The following DDX27 variants were observed in gnomAD, a reference collection of about 807,000 sequenced individuals.
DDX27 encodes the protein DEAD-box helicase 27.
In DDX27, 42 loss-of-function variants were observed where a neutral mutation model predicts 99.3. The ratio of observed to expected loss-of-function variants is 0.42; its 90% CI spans 0.33 to 0.55. The LOEUF is 0.55. Ranked by LOEUF, DDX27 falls within the 20% of genes least tolerant of loss-of-function variation. The pLI, the probability that DDX27 is intolerant of heterozygous loss-of-function variation, is 0.07. For synonymous variants in DDX27, 329 were observed against 353.8 expected (o/e 0.93, Z 0.79); for missense variants, 798 against 976.8 (o/e 0.82, Z 2.44).
At position 49,226,583 on chromosome 20, in the gene DDX27, G is replaced by C. The variant is rs762002743; in HGVS notation, c.706+48G>C. On this transcript the variant is annotated intron_variant, in intron 7 of 20. Transcript: ENST00000618172. ...GTGGGCAGAAGGGTGTTACGGCCAG[G>C]GCTGGGCTCTAGGTTGACTTACCAA... 61 of 1,429,440 alleles carry C rather than the reference G, an allele frequency of 4.3e-5. No individual in the cohort carries two copies. The East Asian group carries it at 6.0e-4, about 14-fold the overall frequency. The allele number at this position is 1,429,440 out of a possible 1,614,324, so 88.5% of individuals were successfully genotyped here.
chr20:49,221,392 C>T, intron 1 of DDX27, 60 bp from the exon 2 acceptor site: 1 of 1,605,046 alleles, frequency 6.2e-7, no homozygotes, highest in South Asian at 1.1e-5. Flanking sequence ...CTGGCCCCTT[C>T]TTGCTTTCTA....
chr20:49,228,924 G>A (rs1252798060), intron 8 of DDX27, 36 bp downstream of exon 8: 16 of 1,541,170 alleles, frequency 1.0e-5, no homozygotes, highest in Non-Finnish European at 1.4e-5. Flanking sequence ...GCCCCTGAGA[G>A]ACTGTGGTGG....
chr20:49,224,847 A>C, intron 4 of DDX27, 98 bp from the exon 5 acceptor site: 1 of 1,327,884 alleles, frequency 7.5e-7, no homozygotes, highest in South Asian at 1.3e-5. Context: ...CACCCCTCAG[A>C]GGCTGAAGTG....
In DDX27 at chr20:49,225,139, A is replaced by T; in HGVS notation, c.540A>T (p.Ala180=). 1 of 1,613,920 alleles carries T rather than the reference A, an allele frequency of 6.2e-7. No individual in the cohort carries two copies. The highest frequency in any genetic ancestry group is 8.5e-7 in the Non-Finnish European group (1 of 1,179,926). Residue 180 remains alanine, a synonymous_variant, in exon 6 of 21, where the codon GCA becomes GCT. Transcript: ENST00000618172. Reference sequence around the variant, plus strand: ...AAGCAGGAGGATTTTTTGAAGATGCATCTCAGTACGATGAAAACCTCTCGT... The same window carrying T: ...AAGCAGGAGGATTTTTTGAAGATGCTTCTCAGTACGATGAAAACCTCTCGT... ...GQEAGGFFED[A]SQYDENLSFQ... is the part of the protein sequence containing the mutation.
Position 49,233,638 on chromosome 20 carries a change from C to T in DDX27, c.1202C>T (p.Ala401Val). The T allele has an allele frequency of 6.2e-7, 1 of 1,614,098 alleles. No individual in the cohort carries two copies. Among genetic ancestry groups the T allele is most frequent in the African/African-American group, 1.3e-5 (1 of 75,070 alleles). ...RIFVNSNTDV[A>V]PFLRQEFIRI... is the part of the protein sequence containing the mutation. The stretch of plus-strand genomic sequence containing the variant: ...TTTGTGAACAGCAACACAGATGTGG[C>T]TCCCTTCCTGCGGCAGGAGTTCATC... The change falls in exon 11 of 21, where the codon GCT (alanine) becomes GTT (valine). Residue 401 changes from alanine (A) to valine (V), a missense_variant. Around this residue, in one of 2 missense-constraint regions of DDX27, gnomAD observed 553 missense variants for 727.9 expected, o/e 0.76. Transcript: ENST00000618172.
At chr20:49,241,465 C>T (rs763691333) in intron 16 of DDX27, among the ~76,000 whole-genome samples, 1 of 151,392 alleles carries the variant, frequency 6.6e-6, no homozygotes, top group African/African-American at 2.4e-5. Flanking sequence ...GAAGTGCTTG[C>T]GGCTTTTCTT....
intron 11 of DDX27, 116 bp from the exon 12 acceptor site, chr20:49,234,819 A>ACAGTGGAACTGTCTATC: frequency 7.9e-7 from 1 of 1,262,940 alleles, no homozygotes; most frequent in Non-Finnish European, 1.1e-6. Flanking sequence ...CAGGACAGGG[A>ACAGTGGAACTGTCTATC]CAGTGCCTGT....
At chr20:49,221,420 C>A (rs756918204) in intron 1 of DDX27, 32 bp from the exon 2 acceptor site, 4 of 1,611,774 alleles carry the variant, frequency 2.5e-6, no homozygotes, top group Non-Finnish European at 3.4e-6. Flanking sequence ...TTATCTCAGC[C>A]CCAAAGTCAC....
In DDX27 at chr20:49,243,910, T is replaced by G; in HGVS notation, c.*76T>G. The G allele has an allele frequency of 6.5e-7, 1 of 1,544,818 alleles. No homozygotes were observed. The highest frequency in any genetic ancestry group is 1.9e-5 in the Admixed American group (1 of 53,028). On this transcript the variant is annotated 3_prime_UTR_variant, in exon 21 of 21. Coordinates refer to ENST00000618172, the MANE Select transcript of DDX27 (RefSeq NM_017895.8). ...GTGGGAAGTCATCCTGGCTGGTCTG[T>G]CTTTTCTCCATTTGTTTAAAAAAAA...
Position 49,236,051 on chromosome 20 carries a change from C to A in DDX27, c.1428-99C>A. 1 of 1,192,444 alleles carries A rather than the reference C, an allele frequency of 8.4e-7. No homozygotes were observed. Among genetic ancestry groups the A allele is most frequent in the Non-Finnish European group, 1.2e-6 (1 of 846,060 alleles). The allele number at this position is 1,192,444 out of a possible 1,614,324, so 73.9% of individuals were successfully genotyped here. On this transcript the variant is annotated intron_variant, in intron 12 of 20. Coordinates refer to ENST00000618172, the MANE Select transcript of DDX27 (RefSeq NM_017895.8). The surrounding 1 kb of genome is among the most constrained non-coding windows in gnomAD (Gnocchi z 4.1). The stretch of plus-strand genomic sequence containing the variant: ...AGCCACCGTGCCCAGCCTCTATCCC[C>A]ATTTTAATGCCCTGTTCTGTCCTCT...
At position 49,228,391 on chromosome 20, in the gene DDX27, C is replaced by A. The variant is rs192944500; in HGVS notation, c.707-324C>A. Among the ~76,000 whole-genome samples the A allele has an allele frequency of 2.7e-5, 4 of 150,870 alleles. No individual in the cohort carries two copies. In the East Asian group the frequency reaches 7.8e-4, roughly 30 times the overall value. ...CCTCAGGTGATTCGCCTGCCTTGGCCTCACAAAGTGCTGGGATTACAGGCT... is the reference window on the plus strand; with the variant it reads ...CCTCAGGTGATTCGCCTGCCTTGGCATCACAAAGTGCTGGGATTACAGGCT... On this transcript the variant is annotated intron_variant, in intron 7 of 20. Transcript: ENST00000618172.
At position 49,236,007 on chromosome 20, in the gene DDX27, T is replaced by G. The variant is rs1449654951; in HGVS notation, c.1428-143T>G. On this transcript the variant is annotated intron_variant, in intron 12 of 20. Transcript: ENST00000618172. The surrounding 1 kb of genome is among the most constrained non-coding windows in gnomAD (Gnocchi z 4.1). ...ATCTGCCCACCTCGGCCTCCCAAAG[T>G]GCTGGGATTACAGGCGTGAGCCACC... 1 of 645,746 alleles carries G rather than the reference T, an allele frequency of 1.5e-6. No individual in the cohort carries two copies. The highest frequency in any genetic ancestry group is 1.8e-5 in the African/African-American group (1 of 54,270). 40.0% of individuals were successfully genotyped at this position (645,746 alleles called of 1,614,324 possible). A position where few individuals can be genotyped will look rare whatever the true frequency, so the allele number is the denominator to read the frequency against.
chr20:49,243,618 T>A lies in DDX27; in HGVS notation c.2205-11T>A, dbSNP rs1377887614. On this transcript the variant is annotated splice_polypyrimidine_tract_variant and intron_variant, in intron 19 of 20. Transcript: ENST00000618172. ...AGTTTGCTCATTTCAGCATGTCATCTTCTCTCACAGCCCTTCCTTTGAAGA... is the reference window on the plus strand; with the variant it reads ...AGTTTGCTCATTTCAGCATGTCATCATCTCTCACAGCCCTTCCTTTGAAGA... The A allele has an allele frequency of 6.2e-7, 1 of 1,614,010 alleles. No homozygotes were observed.
intron 12 of DDX27, 93 bp downstream of exon 12, chr20:49,235,181 A>T: frequency 7.2e-7 from 1 of 1,395,466 alleles, no homozygotes; most frequent in Non-Finnish European, 9.6e-7. Flanking sequence ...CTATTAGAAC[A>T]TTAGCAGGGG....
intron 9 of DDX27, among the ~76,000 whole-genome samples, chr20:49,232,349 G>C (rs1255088503): frequency 1.3e-5 from 2 of 152,162 alleles, no homozygotes; most frequent in Non-Finnish European, 2.9e-5. Flanking sequence ...ATAAAACTTG[G>C]CCTGGCGTAG....
intron 7 of DDX27, among the ~76,000 whole-genome samples, chr20:49,226,811 T>C (rs1205389127): frequency 1.4e-5 from 2 of 144,712 alleles, no homozygotes; most frequent in Non-Finnish European, 3.0e-5. Context: ...CATAAAATTT[T>C]TGTAACACAA....
At chr20:49,232,763 CAAA>C (rs3061137) in intron 9 of DDX27, 235 of 61,808 alleles carry the variant, frequency 3.8e-3, no homozygotes, top group South Asian at 0.012. Flanking sequence ...GACTCCGTCT[CAAA>C]AAAAAAAAAA....
In DDX27 at chr20:49,226,477, G is replaced by T. The variant is rs760811808; in HGVS notation, c.648G>T (p.Ala216=). ...GFKQPTPIQK[A]CIPVGLLGKD... ...AGCAGCCCACCCCGATCCAGAAGGC[G>T]TGCATACCTGTGGGTCTATTGGGGA... The change falls in exon 7 of 21, where the codon GCG becomes GCT. Residue 216 remains alanine (A), a synonymous_variant. Coordinates refer to ENST00000618172, the MANE Select transcript of DDX27 (RefSeq NM_017895.8). 2.5e-6 allele frequency: 4 copies of T among 1,613,962 alleles called. No homozygotes were observed. Among genetic ancestry groups the T allele is most frequent in the Non-Finnish European group, 3.4e-6 (4 of 1,180,006 alleles).
At chr20:49,222,905 A>G in intron 2 of DDX27, 52 bp from the exon 3 acceptor site, 8 of 1,481,300 alleles carry the variant, frequency 5.4e-6, no homozygotes, top group Admixed American at 4.4e-5. Flanking sequence ...TTGTTCTCTT[A>G]TTCGATGTTT....
Sources: allele counts gnomAD v4.1 joint callset (sites outside exome capture counted in the v4.1 genomes callset), GRCh38; gene constraint gnomAD v4.1.1; regional missense constraint gnomAD v4.1.1; non-coding constraint Gnocchi (gnomAD v3.1); transcripts MANE v1.5; gene names NCBI Gene and HGNC (gene_info 2026-07-23, HGNC 2026-07-21).